Variants in FAM184B observed in about 807,000 individuals in gnomAD.
FAM184B encodes protein FAM184B.
Under a neutral mutation model 135.9 loss-of-function variants are expected in FAM184B, and 111 were observed. The ratio of observed to expected loss-of-function variants is 0.82; its 90% confidence interval spans 0.70 to 0.96. The LOEUF is 0.96. Ranked by LOEUF, FAM184B falls within the 40% of genes least tolerant of loss-of-function variation. The pLI, the probability that FAM184B is intolerant of heterozygous loss-of-function variation, is 0.00. For missense variants in FAM184B, 1,375 were observed against 1,323.9 expected, an observed-to-expected ratio of 1.04 and a Z score of -0.60; for synonymous variants, 552 against 524.8, an observed-to-expected ratio of 1.05 and a Z score of -0.71.
chr4:17,656,548 C>T (rs954525540), intron 10 of FAM184B, among the ~76,000 whole-genome samples: 3 of 152,090 alleles, frequency 2.0e-5, no homozygotes, highest in Non-Finnish European at 4.4e-5. Context: ...ACTACAGGCA[C>T]GCACCATGAC....
At chr4:17,702,162 A>G (rs962551851) in intron 5 of FAM184B, among the ~76,000 whole-genome samples, 2 of 152,168 alleles carry the variant, frequency 1.3e-5, no homozygotes, top group Non-Finnish European at 2.9e-5. Flanking sequence ...TGCCAAGCCC[A>G]GTTCCTTGGT....
intron 7 of FAM184B, among the ~76,000 whole-genome samples, chr4:17,669,064 C>A (rs1716115710): frequency 6.6e-6 from 1 of 152,208 alleles, no homozygotes; most frequent in South Asian, 2.1e-4. Context: ...CGCTGCACAG[C>A]TATTTTTCAT....
At chr4:17,708,009 G>A (rs148343852) in intron 2 of FAM184B, among the ~76,000 whole-genome samples, 149 of 152,286 alleles carry the variant, frequency 9.8e-4, no homozygotes, top group African/African-American at 3.5e-3. Context: ...TGCTCAGGGA[G>A]TGTTAGAAAT....
rs529825098 is a variant in FAM184B, at chr4:17,773,819, C to T, written c.141+7340G>A. Among the ~76,000 whole-genome samples, 33 of 152,270 alleles carry T rather than the reference C, an allele frequency of 2.2e-4. No individual in the cohort carries two copies. In the South Asian group the frequency reaches 3.3e-3, roughly 15 times the overall value. On this transcript the variant is annotated intron_variant, in intron 1 of 17. Coordinates refer to ENST00000265018, the MANE Select transcript of FAM184B (RefSeq NM_015688.2). ...CTTGAACTCCCGACCTCAGGTGATCCGCCTGCCTTGGCCTCCCGAAGTGCT... is the reference window on the plus strand; with the variant it reads ...CTTGAACTCCCGACCTCAGGTGATCTGCCTGCCTTGGCCTCCCGAAGTGCT...
chr4:17,688,463 C>G lies in FAM184B; in HGVS notation c.1557G>C (p.Gln519His), dbSNP rs1041509566. ...TRPTGAEESP[Q>H]ELGRQHCSIL... ...TGCTGCAGTGCTGGCGGCCTAATTCCTGGGGACTTTCCTCAGCTCCTGTGG... is the reference window on the plus strand; with the variant it reads ...TGCTGCAGTGCTGGCGGCCTAATTCGTGGGGACTTTCCTCAGCTCCTGTGG... The change falls in exon 7 of 18, where the codon CAG (glutamine) becomes CAC (histidine). Residue 519 changes from glutamine to histidine, a missense_variant. By Grantham distance (24) the Gln-to-His change is conservative. Coordinates refer to ENST00000265018, the MANE Select transcript of FAM184B (RefSeq NM_015688.2). 1 of 1,551,160 alleles carries G rather than the reference C, an allele frequency of 6.4e-7. No homozygotes were observed. The highest frequency in any genetic ancestry group is 1.2e-5 in the South Asian group (1 of 83,972).
Position 17,764,605 on chromosome 4 carries a change from A to C in FAM184B, c.141+16554T>G, listed in dbSNP as rs201689364. On this transcript the variant is annotated intron_variant, in intron 1 of 17. Coordinates refer to ENST00000265018, the MANE Select transcript of FAM184B (RefSeq NM_015688.2). ...CATAAGACAAAGTTCTTGTCCTCAA[A>C]AGTTTAACAGCGAAAAGTCCAACTC... Among the ~76,000 whole-genome samples, 12 of 152,182 alleles carry C rather than the reference A, an allele frequency of 7.9e-5. No homozygotes were observed. The East Asian group carries it at 1.9e-3, about 24-fold the overall frequency.
At position 17,630,178 on chromosome 4, in the gene FAM184B, AAC is replaced by A. The variant is rs1228309186; in HGVS notation, c.*2352_*2353del. On this transcript the variant is annotated 3_prime_UTR_variant, in exon 18 of 18. Coordinates refer to ENST00000265018, the MANE Select transcript of FAM184B (RefSeq NM_015688.2). ...AAAGTGCAGCCTGGGAAAGTGTTTCAACACACAAAAATAGAACCACCTGTATG... is the reference window on the plus strand; with the variant it reads ...AAAGTGCAGCCTGGGAAAGTGTTTCAACACAAAAATAGAACCACCTGTATG... 1 of 152,238 alleles carries A rather than the reference AAC, an allele frequency of 6.6e-6. No homozygotes were observed. The highest frequency in any genetic ancestry group is 2.4e-5 in the African/African-American group (1 of 41,454). 9.4% of individuals were successfully genotyped at this position (152,238 alleles called of 1,614,324 possible).
intron 1 of FAM184B, among the ~76,000 whole-genome samples, chr4:17,749,819 T>C (rs1718253190): frequency 6.6e-6 from 1 of 152,222 alleles, no homozygotes; most frequent in Admixed American, 6.5e-5. Flanking sequence ...TTTTAAGGTA[T>C]TTATTTTCAT....
At chr4:17,634,144 T>G (rs1715053425) in intron 16 of FAM184B, 1 of 309,120 alleles carries the variant, frequency 3.2e-6, no homozygotes, top group African/African-American at 2.2e-5. Context: ...CAATTTTGTT[T>G]AAGATTTTAG....
chr4:17,674,906 A>G (rs142717788), intron 7 of FAM184B, among the ~76,000 whole-genome samples: 2,535 of 152,272 alleles, frequency 0.017, 83 homozygotes, highest in African/African-American at 0.058. Flanking sequence ...CTGTCTCTAC[A>G]TAGTTACTTC....
intron 12 of FAM184B, among the ~76,000 whole-genome samples, chr4:17,642,970 T>C (rs535592282): frequency 6.6e-6 from 1 of 152,374 alleles, no homozygotes; most frequent in South Asian, 2.1e-4. Context: ...CACACAGTAA[T>C]TGCACAGCTG....
At position 17,658,331 on chromosome 4, in the gene FAM184B, G is replaced by A. The variant is rs372380470; in HGVS notation, c.2037+19C>T. The A allele has an allele frequency of 2.4e-5, 37 of 1,550,696 alleles. No individual in the cohort carries two copies. Among genetic ancestry groups the A allele is most frequent in the Middle Eastern group, 3.3e-4 (2 of 5,988 alleles). ...AGCAGGTGCCCGGCACAGAGTAGAC[G>A]GCACAGTCATTCCCTCACCTTGAGT... On this transcript the variant is annotated intron_variant, in intron 10 of 17. Coordinates refer to ENST00000265018, the MANE Select transcript of FAM184B (RefSeq NM_015688.2).
chr4:17,641,830 T>G (rs1477396504), intron 13 of FAM184B, among the ~76,000 whole-genome samples: 2 of 151,940 alleles, frequency 1.3e-5, no homozygotes, highest in African/African-American at 4.8e-5. Flanking sequence ...GCACTTCCTC[T>G]GCGGTTTTGA....
At chr4:17,752,262 A>T (rs890125816) in intron 1 of FAM184B, among the ~76,000 whole-genome samples, 1 of 152,134 alleles carries the variant, frequency 6.6e-6, no homozygotes, top group Non-Finnish European at 1.5e-5. Flanking sequence ...GAGTTTCAAG[A>T]GAGATTTTGA....
intron 1 of FAM184B, among the ~76,000 whole-genome samples, chr4:17,711,736 G>A (rs1247110374): frequency 6.6e-6 from 1 of 152,116 alleles, no homozygotes; most frequent in Non-Finnish European, 1.5e-5. Flanking sequence ...CCTGAGAAGG[G>A]TACCACAGAG....
At chr4:17,695,838 G>C in intron 5 of FAM184B, among the ~76,000 whole-genome samples, 1 of 152,132 alleles carries the variant, frequency 6.6e-6, no homozygotes. Context: ...GGAGGGTTCT[G>C]GGTTGGAGTA....
At chr4:17,703,790 G>A (rs1330091770) in intron 5 of FAM184B, among the ~76,000 whole-genome samples, 1 of 151,988 alleles carries the variant, frequency 6.6e-6, no homozygotes, top group Non-Finnish European at 1.5e-5. Context: ...AATTAGCTGG[G>A]TGTGGTGGCA....
Position 17,664,671 on chromosome 4 carries a change from AAAG to A in FAM184B, c.1597-15_1597-13del, listed in dbSNP as rs1014333647. 1.3e-6 allele frequency: 2 copies of A among 1,520,034 alleles called. No homozygotes were observed. The highest frequency in any genetic ancestry group is 3.0e-5 in the African/African-American group (2 of 67,704). The allele number at this position is 1,520,034 out of a possible 1,614,324, so 94.2% of individuals were successfully genotyped here. A position where few individuals can be genotyped will look rare whatever the true frequency, so the allele number is the denominator to read the frequency against. On this transcript the variant is annotated splice_polypyrimidine_tract_variant and intron_variant, in intron 7 of 17. Coordinates refer to ENST00000265018, the MANE Select transcript of FAM184B (RefSeq NM_015688.2). ...TTCAAGCATGGATCCTAAGGCCAAAAAAGAAAAAGAAAAAAAAAAAAAAGGCAA... is the reference window on the plus strand; with the variant it reads ...TTCAAGCATGGATCCTAAGGCCAAAAAAAAAGAAAAAAAAAAAAAAGGCAA...
At chr4:17,661,514 T>C (rs751646168) in intron 8 of FAM184B, among the ~76,000 whole-genome samples, 3 of 152,178 alleles carry the variant, frequency 2.0e-5, no homozygotes, top group Admixed American at 6.5e-5. Context: ...ATCACACCTA[T>C]TGCACTCCAG....
Sources: allele counts gnomAD v4.1 joint callset (sites outside exome capture counted in the v4.1 genomes callset), GRCh38; gene constraint gnomAD v4.1.1; transcripts MANE v1.5; gene names NCBI Gene and HGNC (gene_info 2026-07-23, HGNC 2026-07-21).